Variants in SGCD observed in about 807,000 individuals in gnomAD.
The protein encoded by SGCD is sarcoglycan delta, also known as delta-sarcoglycan.
SGCD carries 18 observed loss-of-function variants against 36.6 expected under a neutral mutation model. That is an observed-to-expected ratio of 0.49 (90% CI 0.34 to 0.73). SGCD has a LOEUF of 0.73. Among genes scored for constraint, SGCD ranks in the 30% least tolerant of loss-of-function variants. The pLI, the probability that SGCD is intolerant of heterozygous loss-of-function variation, is 0.01. For synonymous variants in SGCD, 133 were observed against 130.6 expected (o/e 1.02, Z -0.12); for missense variants, 387 against 346.7 (o/e 1.12, Z -0.92).
rs187523210 is a variant in SGCD, at chr5:155,916,840, C to T, written c.-282+46416C>T. Among the ~76,000 whole-genome samples the T allele has an allele frequency of 5.3e-4, 80 of 152,286 alleles. No individual in the cohort carries two copies. In the Middle Eastern group the frequency reaches 0.014, roughly 26 times the overall value. On this transcript the variant is annotated intron_variant, in intron 1 of 9. Transcript: ENST00000517913. ...TTCCTGTGCTTCTCACAAATGTCTA[C>T]TGAAGTGAGAAGGGTGAGGAGTGCT...
chr5:156,759,252 A>T lies in SGCD; in HGVS notation c.735A>T (p.Arg245Ser). 6.2e-7 allele frequency: 1 copy of T among 1,613,800 alleles called. No individual in the cohort carries two copies. The highest frequency in any genetic ancestry group is 8.5e-7 in the Non-Finnish European group (1 of 1,179,750). The change falls in exon 9 of 9, where the codon AGA becomes AGT. Residue 245 changes from arginine (R) to serine (S), a missense_variant. Physicochemically the swap from Arg to Ser is moderately radical, Grantham distance 110 (BLOSUM62 -1). Coordinates refer to ENST00000337851, the MANE Select transcript of SGCD (RefSeq NM_000337.6). ...KLDAAKIRLP[R>S]LPHGSYTPTG... is the part of the protein sequence containing the mutation. ...ATGCTGCGAAAATCAGGCTACCTAGACTGCCTCATGGATCCTACACGCCTA... is the reference window on the plus strand; with the variant it reads ...ATGCTGCGAAAATCAGGCTACCTAGTCTGCCTCATGGATCCTACACGCCTA...
chr5:156,244,870 G>A (rs1034013317), intron 3 of SGCD, among the ~76,000 whole-genome samples: 12 of 152,278 alleles, frequency 7.9e-5, no homozygotes, highest in African/African-American at 2.9e-4. Context: ...TCAACAATTA[G>A]CAACATGTGG....
At chr5:156,353,567 T>G (rs1769357874) in intron 3 of SGCD, among the ~76,000 whole-genome samples, 1 of 152,214 alleles carries the variant, frequency 6.6e-6, no homozygotes. Context: ...AGTTATACTT[T>G]TCATTTAACA....
chr5:156,036,727 G>A (rs1367310610), intron 1 of SGCD, among the ~76,000 whole-genome samples: 1 of 152,138 alleles, frequency 6.6e-6, no homozygotes, highest in African/African-American at 2.4e-5. Context: ...CCCTTGGAGA[G>A]ACTCAAATTT....
At chr5:156,697,384 C>T (rs963727109) in intron 7 of SGCD, among the ~76,000 whole-genome samples, 1 of 152,122 alleles carries the variant, frequency 6.6e-6, no homozygotes, top group Non-Finnish European at 1.5e-5. Flanking sequence ...TTCTGCTCCC[C>T]ACATGTGTAC....
At chr5:156,542,790 G>A (rs1413242182) in intron 4 of SGCD, among the ~76,000 whole-genome samples, 1 of 152,066 alleles carries the variant, frequency 6.6e-6, no homozygotes, top group Non-Finnish European at 1.5e-5. Flanking sequence ...ACATCCTTAG[G>A]TTCTGCTGTG....
At chr5:155,902,892 C>T (rs1756421534) in intron 1 of SGCD, among the ~76,000 whole-genome samples, 1 of 152,180 alleles carries the variant, frequency 6.6e-6, no homozygotes, top group Non-Finnish European at 1.5e-5. Context: ...TGAGAACATT[C>T]CACTTACTGT....
chr5:156,581,579 G>T (rs1424340949), intron 4 of SGCD, among the ~76,000 whole-genome samples: 1 of 152,180 alleles, frequency 6.6e-6, no homozygotes, highest in Non-Finnish European at 1.5e-5. Flanking sequence ...GCTCTGTCAG[G>T]TTCAAGCTTC....
intron 3 of SGCD, among the ~76,000 whole-genome samples, chr5:156,154,688 G>A (rs1762908539): frequency 6.6e-6 from 1 of 151,598 alleles, no homozygotes. Context: ...GAGAAACAGT[G>A]GCTGACAGGT....
the SGCD span, among the ~76,000 whole-genome samples, chr5:155,839,476 G>GT: frequency 6.6e-6 from 1 of 152,156 alleles, no homozygotes; most frequent in Admixed American, 6.5e-5. Context: ...AGGAGGGTGT[G>GT]TGTGACTCAG....
At chr5:156,133,558 C>T (rs1441226868) in intron 3 of SGCD, among the ~76,000 whole-genome samples, 1 of 152,094 alleles carries the variant, frequency 6.6e-6, no homozygotes, top group Non-Finnish European at 1.5e-5. Flanking sequence ...TTGCATTGGG[C>T]CCTTAAAATG....
intron 3 of SGCD, among the ~76,000 whole-genome samples, chr5:156,248,287 C>T (rs941176198): frequency 2.0e-5 from 3 of 151,956 alleles, no homozygotes; most frequent in African/African-American, 4.8e-5. Context: ...TTTGGGAGGC[C>T]GAGATGGGCA....
At chr5:156,097,378 G>C (rs1761406078) in intron 1 of SGCD, among the ~76,000 whole-genome samples, 1 of 151,872 alleles carries the variant, frequency 6.6e-6, no homozygotes, top group African/African-American at 2.4e-5. Flanking sequence ...TTGGTCTCTG[G>C]GGCACTGTTT....
rs200065250 is a variant in SGCD, at chr5:156,567,431, T to TA, written c.295-21800_295-21799insA. ...ATAGATAGATAGATAGATAGATAGA[T>TA]GGTAGCTCATGTGATTATGGAGGCT... is the stretch of plus-strand genomic sequence containing the variant. On this transcript the variant is annotated intron_variant, in intron 4 of 8. Coordinates refer to ENST00000337851, the MANE Select transcript of SGCD (RefSeq NM_000337.6). 2.1e-3 allele frequency among the ~76,000 whole-genome samples: 184 copies of TA among 87,492 alleles called. 1 individual carries two copies. Among genetic ancestry groups the TA allele is most frequent in the Middle Eastern group, 0.012 (2 of 170 alleles). 57.4% of individuals were successfully genotyped at this position (87,492 alleles called of 152,430 possible).
chr5:156,582,838 CACAA>C (rs1760333086), intron 4 of SGCD, among the ~76,000 whole-genome samples: 1 of 152,202 alleles, frequency 6.6e-6, no homozygotes, highest in Admixed American at 6.5e-5. Flanking sequence ...CACACACACA[CACAA>C]ACACACACAG....
At chr5:155,740,255 T>A in the SGCD span, among the ~76,000 whole-genome samples, 2 of 152,212 alleles carry the variant, frequency 1.3e-5, no homozygotes, top group Non-Finnish European at 2.9e-5. Flanking sequence ...GAAGCCAGCA[T>A]GCCCTGCCTA....
chr5:155,889,939 G>C (rs1010866783), intron 1 of SGCD, among the ~76,000 whole-genome samples: 3 of 152,200 alleles, frequency 2.0e-5, no homozygotes, highest in African/African-American at 7.2e-5. Flanking sequence ...CTGGGAAATA[G>C]GGAGACAAGA....
At chr5:155,930,962 T>A (rs1010708320) in intron 1 of SGCD, among the ~76,000 whole-genome samples, 24 of 152,216 alleles carry the variant, frequency 1.6e-4, no homozygotes, top group Non-Finnish European at 2.8e-4. Flanking sequence ...AATCTTGTTT[T>A]GAAGTTACTC....
intron 1 of SGCD, among the ~76,000 whole-genome samples, chr5:156,046,912 GC>G (rs1759779985): frequency 6.6e-6 from 1 of 152,150 alleles, no homozygotes; most frequent in Non-Finnish European, 1.5e-5. Flanking sequence ...GCATCAGTTA[GC>G]CAAGTTGTTA....
Sources: gnomAD v4.1 joint callset for allele counts (sites outside exome capture counted in the v4.1 genomes callset) on GRCh38, gnomAD v4.1.1 for gene constraint, MANE v1.5 for transcripts, NCBI Gene and HGNC (gene_info 2026-07-23, HGNC 2026-07-21) for gene names.